The following YY1 variants were observed in gnomAD, a reference collection of about 807,000 sequenced individuals.
YY1 encodes YY1 transcription factor.
A neutral mutation model predicts 35.6 loss-of-function variants in YY1; 2 were observed. That is an observed-to-expected ratio of 0.06 (90% CI 0.02 to 0.18). The LOEUF (loss-of-function observed/expected upper bound fraction) is 0.18. YY1 is among the 10% of genes least tolerant of loss of function. The probability of loss-of-function intolerance (pLI) is 1.00; values close to 1 mark genes in which losing one functional copy is unlikely to be tolerated. For missense variants in YY1, 322 were observed against 573.4 expected, an observed-to-expected ratio of 0.56 and a Z score of 4.48; for synonymous variants, 268 against 238.9, an observed-to-expected ratio of 1.12 and a Z score of -1.12.
At chr14:100,258,640 A>G (rs1891037360) in intron 1 of YY1, among the ~76,000 whole-genome samples, 1 of 152,222 alleles carries the variant, frequency 6.6e-6, no homozygotes, top group Non-Finnish European at 1.5e-5. Flanking sequence ...GGCGTGAGCC[A>G]CCACGCCCGG....
rs1157571578 is a variant in YY1 at position 100,280,574 on chromosome 14, A to G, written c.*2974A>G. ...TATGGTGTTTGTGTGCTTTGCCTAG[A>G]TTCAAGGCCTGAGGATTTGAGGAAA... is the stretch of plus-strand genomic sequence containing the variant. On this transcript the variant is annotated 3_prime_UTR_variant, in exon 5 of 5. Transcript: ENST00000262238. 1 of 152,034 alleles carries G rather than the reference A, an allele frequency of 6.6e-6. No homozygotes were observed. Among genetic ancestry groups the G allele is most frequent in the East Asian group, 1.9e-4 (1 of 5,190 alleles). 9.4% of individuals were successfully genotyped at this position (152,034 alleles called of 1,614,324 possible).
intron 1 of YY1, among the ~76,000 whole-genome samples, chr14:100,244,818 C>T (rs1890807245): frequency 6.6e-6 from 1 of 152,094 alleles, no homozygotes; most frequent in Admixed American, 6.6e-5. Context: ...CTCAGCCTTC[C>T]AGAGTGATGG....
At chr14:100,269,894 T>G (rs947641037) in intron 2 of YY1, among the ~76,000 whole-genome samples, 1 of 152,270 alleles carries the variant, frequency 6.6e-6, no homozygotes, top group South Asian at 2.1e-4. Flanking sequence ...AACCAAGAGT[T>G]GGGTAAATGG....
intron 2 of YY1, among the ~76,000 whole-genome samples, chr14:100,273,949 C>T (rs1054125707): frequency 6.6e-6 from 1 of 152,062 alleles, no homozygotes; most frequent in Non-Finnish European, 1.5e-5. Context: ...AGACGGTTAC[C>T]ACATTACCAG....
Position 100,274,698 on chromosome 14 carries a change from A to G in YY1, c.843A>G (p.Arg281=), listed in dbSNP as rs530102371. 9 of 1,613,766 alleles carry G rather than the reference A, an allele frequency of 5.6e-6. No homozygotes were observed. The South Asian group carries it at 8.8e-5, about 16-fold the overall frequency. ...SDPKQLAEFA[R]MKPRKIKEDD... ...CTGTCTCTCTTTTTCTTTTGATAAG[A>G]ATGAAGCCAAGAAAAATTAAAGAAG... The change falls in exon 3 of 5, where the codon AGA becomes AGG. Residue 281 remains arginine (R), a splice_region_variant and synonymous_variant. Coordinates refer to ENST00000262238, the MANE Select transcript of YY1 (RefSeq NM_003403.5).
intron 1 of YY1, among the ~76,000 whole-genome samples, chr14:100,256,592 T>C (rs1444808387): frequency 1.3e-5 from 2 of 152,190 alleles, no homozygotes; most frequent in Non-Finnish European, 2.9e-5. Context: ...AAACCAGGCA[T>C]GGATGGCAAA....
chr14:100,263,232 G>A (rs1412245164), intron 2 of YY1, among the ~76,000 whole-genome samples: 7 of 152,128 alleles, frequency 4.6e-5, no homozygotes, highest in African/African-American at 1.7e-4. Flanking sequence ...TTTAAATTTG[G>A]GTGTGTTGTA....
At chr14:100,261,791 A>G (rs1476232369) in intron 1 of YY1, among the ~76,000 whole-genome samples, 1 of 152,196 alleles carries the variant, frequency 6.6e-6, no homozygotes, top group Non-Finnish European at 1.5e-5. Context: ...AGGCTATGAA[A>G]TCAGATTTGA....
At chr14:100,275,609 G>C (rs1891306930) in intron 3 of YY1, 1 of 152,200 alleles carries the variant, frequency 6.6e-6, no homozygotes, top group Admixed American at 6.5e-5. Flanking sequence ...GGGGTACCGT[G>C]TGATGTTTCA....
In YY1 at chr14:100,256,553, G is replaced by A. The variant is rs560973929; in HGVS notation, c.680-5751G>A. Among the ~76,000 whole-genome samples the A allele has an allele frequency of 7.9e-5, 12 of 152,228 alleles. No individual in the cohort carries two copies. The South Asian group carries it at 2.5e-3, about 32-fold the overall frequency. On this transcript the variant is annotated intron_variant, in intron 1 of 4. Coordinates refer to ENST00000262238, the MANE Select transcript of YY1 (RefSeq NM_003403.5). ...ATGTTGTTATATGTTACAACAGGTGGGTCTTAAAAACATTATGCTTAGTGA... is the reference window on the plus strand; with the variant it reads ...ATGTTGTTATATGTTACAACAGGTGAGTCTTAAAAACATTATGCTTAGTGA...
intron 2 of YY1, among the ~76,000 whole-genome samples, chr14:100,269,301 CATT>C (rs1891199715): frequency 6.6e-6 from 1 of 152,150 alleles, no homozygotes; most frequent in Non-Finnish European, 1.5e-5. Flanking sequence ...AAGTAGGTAG[CATT>C]ATACCTTTTT....
intron 1 of YY1, among the ~76,000 whole-genome samples, chr14:100,257,279 G>A (rs1891018555): frequency 2.0e-5 from 3 of 152,148 alleles, no homozygotes; most frequent in African/African-American, 7.2e-5. Context: ...CAGATACTTT[G>A]TTTCTAGCTT....
intron 2 of YY1, among the ~76,000 whole-genome samples, chr14:100,268,763 A>G (rs1299835136): frequency 6.6e-6 from 1 of 152,226 alleles, no homozygotes; most frequent in East Asian, 1.9e-4. Flanking sequence ...TGACAGCCGT[A>G]TTACGCAGGA....
In YY1 at chr14:100,280,758, TC is replaced by T; in HGVS notation, c.*3160del. On this transcript the variant is annotated 3_prime_UTR_variant, in exon 5 of 5. Transcript: ENST00000262238. Reference sequence around the variant, plus strand: ...TCTTCACAAGTAGATGAGAGTCACTTCCAGTCGGGGGAAGCCCGCCTGAGCA... The same window carrying T: ...TCTTCACAAGTAGATGAGAGTCACTTCAGTCGGGGGAAGCCCGCCTGAGCA... 1 of 152,216 alleles carries T rather than the reference TC, an allele frequency of 6.6e-6. No homozygotes were observed. The highest frequency in any genetic ancestry group is 2.4e-5 in the African/African-American group (1 of 41,522). 9.4% of individuals were successfully genotyped at this position (152,216 alleles called of 1,614,324 possible). A position where few individuals can be genotyped will look rare whatever the true frequency, so the allele number is the denominator to read the frequency against.
At chr14:100,239,986 A>T in intron 1 of YY1, 63 bp downstream of exon 1, 1 of 1,442,334 alleles carries the variant, frequency 6.9e-7, no homozygotes, top group Non-Finnish European at 9.2e-7. Context: ...GCCATGTTTT[A>T]TGTGTGTGAT....
intron 1 of YY1, among the ~76,000 whole-genome samples, chr14:100,259,560 G>A (rs902631295): frequency 6.6e-6 from 1 of 151,996 alleles, no homozygotes; most frequent in African/African-American, 2.4e-5. Context: ...ATTCAAACTG[G>A]AATGATTGAG....
intron 2 of YY1, among the ~76,000 whole-genome samples, chr14:100,269,013 A>T (rs1403911525): frequency 1.3e-5 from 2 of 152,178 alleles, no homozygotes; most frequent in Non-Finnish European, 2.9e-5. Context: ...CTTCCCACAT[A>T]TGCCAGAATG....
In YY1 at chr14:100,272,889, C is replaced by T. The variant is rs1467417176; in HGVS notation, c.843-1809C>T. ...TTCCCACTTATAAGTGAGGACATACCGCGTTTGATTTTCCATTCCTGAGTT... is the reference window on the plus strand; with the variant it reads ...TTCCCACTTATAAGTGAGGACATACTGCGTTTGATTTTCCATTCCTGAGTT... On this transcript the variant is annotated intron_variant, in intron 2 of 4. Transcript: ENST00000262238. Among the ~76,000 whole-genome samples, 5 of 151,542 alleles carry T rather than the reference C, an allele frequency of 3.3e-5. No individual in the cohort carries two copies. The South Asian group carries it at 6.2e-4, about 19-fold the overall frequency.
chr14:100,253,281 A>G (rs1890951051), intron 1 of YY1, among the ~76,000 whole-genome samples: 1 of 152,254 alleles, frequency 6.6e-6, no homozygotes, highest in Admixed American at 6.5e-5. Flanking sequence ...AATAGAAATC[A>G]GTAACATTCA....
Sources: allele counts gnomAD v4.1 joint callset (sites outside exome capture counted in the v4.1 genomes callset), GRCh38; gene constraint gnomAD v4.1.1; transcripts MANE v1.5; gene names NCBI Gene and HGNC (gene_info 2026-07-23, HGNC 2026-07-21).